Variants in BACH2 observed in about 807,000 individuals in gnomAD.
BACH2 encodes transcription regulator protein BACH2.
Under a neutral mutation model 61.8 loss-of-function variants are expected in BACH2, and 5 were observed. That is an observed-to-expected ratio of 0.08 (90% CI 0.04 to 0.17). BACH2 has a LOEUF of 0.17. Ranked by LOEUF, BACH2 falls within the 10% of genes least tolerant of loss-of-function variation. The pLI is 1.00. For synonymous variants in BACH2, 446 were observed against 440.1 expected (o/e 1.01, Z -0.17); for missense variants, 824 against 1,091.1 (o/e 0.76, Z 3.45).
chr6:90,234,245 T>A (rs557524215), intron 3 of BACH2, among the ~76,000 whole-genome samples: 1 of 152,312 alleles, frequency 6.6e-6, no homozygotes, highest in African/African-American at 2.4e-5. Flanking sequence ...GGATCAGCGC[T>A]TCAGTCGGTG....
At chr6:89,987,186 C>T (rs1211056433) in intron 6 of BACH2, among the ~76,000 whole-genome samples, 1 of 152,052 alleles carries the variant, frequency 6.6e-6, no homozygotes, top group Non-Finnish European at 1.5e-5. Context: ...GATGTCAAAT[C>T]CTGTATCAGG....
chr6:90,179,605 T>G (rs1768092178), intron 4 of BACH2, among the ~76,000 whole-genome samples: 1 of 152,210 alleles, frequency 6.6e-6, no homozygotes, highest in Non-Finnish European at 1.5e-5. Flanking sequence ...TGAAGCATCT[T>G]GTGCCTCCAT....
chr6:89,964,505 CTTT>C (rs1396595836), intron 6 of BACH2, among the ~76,000 whole-genome samples: 1 of 152,154 alleles, frequency 6.6e-6, no homozygotes, highest in Non-Finnish European at 1.5e-5. Context: ...ACAAAATCTT[CTTT>C]GACTTCATGT....
At chr6:90,203,044 T>C (rs1430049616) in intron 4 of BACH2, among the ~76,000 whole-genome samples, 1 of 152,156 alleles carries the variant, frequency 6.6e-6, no homozygotes, top group African/African-American at 2.4e-5. Context: ...ATATACTATA[T>C]GTAATATATA....
rs1459344631 is a variant in BACH2 at position 90,111,746 on chromosome 6, T to C, written c.-161-22637A>G. On this transcript the variant is annotated intron_variant, in intron 4 of 8. Coordinates refer to ENST00000257749, the MANE Select transcript of BACH2 (RefSeq NM_021813.4). ...TTGCTCTCATCGTTCTCTGAAATGA[T>C]ATTGTTCACTAATTTGACAGCTGGT... is the stretch of plus-strand genomic sequence containing the variant. 8.5e-5 allele frequency among the ~76,000 whole-genome samples: 13 copies of C among 152,382 alleles called. No homozygotes were observed. The South Asian group carries it at 1.9e-3, about 22-fold the overall frequency.
intron 4 of BACH2, among the ~76,000 whole-genome samples, chr6:90,167,244 T>C (rs1308975194): frequency 6.6e-6 from 1 of 152,180 alleles, no homozygotes; most frequent in Non-Finnish European, 1.5e-5. Flanking sequence ...AGGAGTAAAA[T>C]GTTTTAAAAA....
chr6:90,057,335 T>C (rs1053442495), intron 5 of BACH2, among the ~76,000 whole-genome samples: 6 of 152,176 alleles, frequency 3.9e-5, no homozygotes, highest in East Asian at 1.9e-4. Context: ...TCAGAGAATA[T>C]GATAAACACC....
At chr6:90,164,128 G>A (rs779961299) in intron 4 of BACH2, among the ~76,000 whole-genome samples, 4 of 152,096 alleles carry the variant, frequency 2.6e-5, no homozygotes, top group Non-Finnish European at 5.9e-5. Flanking sequence ...TCCAGGAGCT[G>A]GTTTTTTGAA....
At chr6:90,296,245 A>G (rs1772378235) in intron 1 of BACH2, among the ~76,000 whole-genome samples, 1 of 151,990 alleles carries the variant, frequency 6.6e-6, no homozygotes, top group Non-Finnish European at 1.5e-5. Flanking sequence ...GAGGGAGAGC[A>G]CACATTCGGC....
At chr6:90,010,250 C>T (rs939793493) in intron 5 of BACH2, among the ~76,000 whole-genome samples, 5 of 152,162 alleles carry the variant, frequency 3.3e-5, no homozygotes, top group Admixed American at 6.5e-5. Flanking sequence ...AATAATTTTT[C>T]CCTTGTACCT....
intron 6 of BACH2, among the ~76,000 whole-genome samples, chr6:89,983,960 T>C (rs1263145267): frequency 6.6e-6 from 1 of 152,248 alleles, no homozygotes; most frequent in South Asian, 2.1e-4. Context: ...AACCTGGCTG[T>C]TGTCTCTTTC....
At chr6:90,187,731 T>C (rs1768410618) in intron 4 of BACH2, among the ~76,000 whole-genome samples, 1 of 152,244 alleles carries the variant, frequency 6.6e-6, no homozygotes, top group Admixed American at 6.5e-5. Context: ...TTATTCTGTT[T>C]TTTAAAAAAT....
chr6:90,203,882 G>C (rs1769044060), intron 4 of BACH2, among the ~76,000 whole-genome samples: 1 of 152,068 alleles, frequency 6.6e-6, no homozygotes, highest in Admixed American at 6.6e-5. Flanking sequence ...CTCAGACCCT[G>C]GCACAGATAG....
At chr6:90,221,681 G>C (rs1463357116) in intron 3 of BACH2, among the ~76,000 whole-genome samples, 5 of 152,082 alleles carry the variant, frequency 3.3e-5, no homozygotes, top group Admixed American at 6.6e-5. Context: ...AATAGGGCGT[G>C]ACATCACCAG....
chr6:90,175,285 A>G (rs1216415872), intron 4 of BACH2, among the ~76,000 whole-genome samples: 4 of 152,070 alleles, frequency 2.6e-5, no homozygotes, highest in African/African-American at 9.7e-5. Flanking sequence ...CTTATTCCTT[A>G]TTCTAGGAAA....
chr6:90,066,484 G>A (rs1457395945), intron 5 of BACH2, among the ~76,000 whole-genome samples: 1 of 152,164 alleles, frequency 6.6e-6, no homozygotes, highest in African/African-American at 2.4e-5. Flanking sequence ...CGGTAGGGTG[G>A]ATTCCAGGCA....
intron 2 of BACH2, among the ~76,000 whole-genome samples, chr6:90,267,533 A>C (rs1355326108): frequency 6.6e-6 from 1 of 152,226 alleles, no homozygotes; most frequent in Non-Finnish European, 1.5e-5. Context: ...CTCCGTTTTT[A>C]GGAATCTATC....
intron 5 of BACH2, among the ~76,000 whole-genome samples, chr6:90,028,199 C>A (rs62408193): frequency 1.3e-5 from 2 of 152,200 alleles, no homozygotes; most frequent in Non-Finnish European, 2.9e-5. Flanking sequence ...ACTCTGCTCG[C>A]ATCAGGAATT....
chr6:90,195,743 A>G (rs1051468129), intron 4 of BACH2, among the ~76,000 whole-genome samples: 1 of 152,192 alleles, frequency 6.6e-6, no homozygotes, highest in Non-Finnish European at 1.5e-5. Flanking sequence ...TTTCAACAGC[A>G]TGGCTCTCAG....
Sources: allele counts gnomAD v4.1 joint callset (sites outside exome capture counted in the v4.1 genomes callset), GRCh38; gene constraint gnomAD v4.1.1; transcripts MANE v1.5; gene names NCBI Gene and HGNC (gene_info 2026-07-23, HGNC 2026-07-21).